Variants in CD1B observed in about 807,000 individuals in gnomAD.
CD1B encodes T-cell surface glycoprotein CD1b.
CD1B carries 43 observed loss-of-function variants against 39.8 expected under a neutral mutation model. That is an observed-to-expected ratio of 1.08 (90% confidence interval 0.85 to 1.39). The LOEUF is 1.39. CD1B is among the 40% of genes most tolerant of loss of function. The pLI, the probability that CD1B is intolerant of heterozygous loss-of-function variation, is 0.00. For synonymous variants in CD1B, 192 were observed against 152.5 expected (o/e 1.26, Z -1.91); for missense variants, 495 against 403.8 (o/e 1.23, Z -1.94).
chr1:158,329,248 G>T, intron 4 of CD1B, 122 bp downstream of exon 4: 1 of 1,295,728 alleles, frequency 7.7e-7, no homozygotes. Context: ...TTGGGGTCAG[G>T]GAAATCAATC....
chr1:158,292,816 C>T, the CD1B span: 8 of 1,614,152 alleles, frequency 5.0e-6, no homozygotes, highest in South Asian at 7.7e-5. Context: ...AGCCTGCTGG[C>T]CTGTCTTGTC....
the CD1B span, among the ~76,000 whole-genome samples, chr1:158,313,371 C>T: frequency 2.0e-5 from 3 of 152,098 alleles, no homozygotes; most frequent in Admixed American, 6.6e-5. Context: ...AGTGCAGTGG[C>T]ACAATCACAT....
downstream of CD1B, among the ~76,000 whole-genome samples, chr1:158,323,970 G>A (rs1652269595): frequency 1.3e-5 from 2 of 152,170 alleles, no homozygotes; most frequent in Non-Finnish European, 2.9e-5. Context: ...TGATTGCCTG[G>A]CTATGAGATA....
chr1:158,303,336 C>A, the CD1B span, among the ~76,000 whole-genome samples: 5 of 152,250 alleles, frequency 3.3e-5, no homozygotes, highest in African/African-American at 1.2e-4. Flanking sequence ...ACTGAATAAA[C>A]AAAAGCTTGA....
chr1:158,302,395 A>G, the CD1B span, among the ~76,000 whole-genome samples: 2 of 151,884 alleles, frequency 1.3e-5, no homozygotes, highest in Admixed American at 6.6e-5. Flanking sequence ...AAAAATAAGG[A>G]AAAAAAACCT....
chr1:158,302,777 T>A, the CD1B span, among the ~76,000 whole-genome samples: 1 of 151,924 alleles, frequency 6.6e-6, no homozygotes, highest in Admixed American at 6.6e-5. Context: ...AGTTCCAGAG[T>A]TGAATCAGTA....
At chr1:158,317,305 G>A in the CD1B span, among the ~76,000 whole-genome samples, 128 of 152,206 alleles carry the variant, frequency 8.4e-4, 1 homozygote, top group Admixed American at 7.8e-3. Flanking sequence ...ACTCTTTTTT[G>A]TTGGTAAGGT....
downstream of CD1B, among the ~76,000 whole-genome samples, chr1:158,327,296 C>T (rs1652390255): frequency 6.6e-6 from 1 of 152,056 alleles, no homozygotes; most frequent in Admixed American, 6.6e-5. Context: ...TATAGGAGTC[C>T]CCACTCAACC....
At chr1:158,318,665 T>G in the CD1B span, among the ~76,000 whole-genome samples, 1 of 152,174 alleles carries the variant, frequency 6.6e-6, no homozygotes, top group African/African-American at 2.4e-5. Flanking sequence ...CCATTTACAT[T>G]TAAAGTTAAT....
chr1:158,323,338 G>T (rs1215260430), downstream of CD1B, among the ~76,000 whole-genome samples: 2 of 151,648 alleles, frequency 1.3e-5, no homozygotes, highest in Non-Finnish European at 2.9e-5. Context: ...ATTTCTGTTA[G>T]ATTTTTCATT....
At chr1:158,287,143 A>G in the CD1B span, among the ~76,000 whole-genome samples, 1 of 152,192 alleles carries the variant, frequency 6.6e-6, no homozygotes, top group Admixed American at 6.6e-5. Flanking sequence ...AACAACAGGA[A>G]GTTATTCTCT....
intron 4 of CD1B, 79 bp downstream of exon 4, chr1:158,329,291 C>T (rs953970097): frequency 6.6e-7 from 1 of 1,517,956 alleles, no homozygotes; most frequent in Non-Finnish European, 9.0e-7. Context: ...CTCTCAAGCT[C>T]TATCCTTCCC....
chr1:158,320,752 G>A, the CD1B span, among the ~76,000 whole-genome samples: 1 of 151,648 alleles, frequency 6.6e-6, no homozygotes. Context: ...TTTTCTTTTT[G>A]ATTTTTTTCA....
At chr1:158,316,211 G>C in the CD1B span, among the ~76,000 whole-genome samples, 2 of 152,034 alleles carry the variant, frequency 1.3e-5, no homozygotes, top group South Asian at 2.1e-4. Context: ...TTGGTAGCTT[G>C]ATGGGGATGG....
At chr1:158,330,268 A>G (rs1052096149) in intron 2 of CD1B, 138 bp from the exon 3 acceptor site, 21 of 768,924 alleles carry the variant, frequency 2.7e-5, no homozygotes, top group Non-Finnish European at 3.6e-5. Flanking sequence ...ACTAATGATA[A>G]CATTTAGACA....
chr1:158,321,877 C>T, the CD1B span, among the ~76,000 whole-genome samples: 3 of 152,066 alleles, frequency 2.0e-5, no homozygotes, highest in Admixed American at 1.3e-4. Context: ...AGGTATTAAC[C>T]CCAGCATCCA....
chr1:158,304,275 G>A, the CD1B span, among the ~76,000 whole-genome samples: 1 of 152,110 alleles, frequency 6.6e-6, no homozygotes, highest in Non-Finnish European at 1.5e-5. Flanking sequence ...CTTAGCAAAG[G>A]GCACACAAGG....
chr1:158,328,101 T>G lies in CD1B; in HGVS notation c.*135A>C, dbSNP rs1256726737. The G allele has an allele frequency of 2.8e-6, 2 of 718,934 alleles. No individual in the cohort carries two copies. Among genetic ancestry groups the G allele is most frequent in the African/African-American group, 1.8e-5 (1 of 55,586 alleles). The allele number at this position is 718,934 out of a possible 1,614,324, so 44.5% of individuals were successfully genotyped here. The stretch of plus-strand genomic sequence containing the variant: ...TTTTTGCTGATGTTTAAATAATAAT[T>G]TATTTTAAAATACATGAAAACTCTG... On this transcript the variant is annotated 3_prime_UTR_variant, in exon 6 of 6. Coordinates refer to ENST00000368168, the MANE Select transcript of CD1B (RefSeq NM_001764.3).
At chr1:158,303,802 T>A in the CD1B span, among the ~76,000 whole-genome samples, 8 of 152,294 alleles carry the variant, frequency 5.3e-5, no homozygotes, top group African/African-American at 1.9e-4. Context: ...TATTTCATGC[T>A]CATGGATTGA....
Sources: gnomAD v4.1 joint callset for allele counts (sites outside exome capture counted in the v4.1 genomes callset) on GRCh38, gnomAD v4.1.1 for gene constraint, MANE v1.5 for transcripts, NCBI Gene and HGNC (gene_info 2026-07-23, HGNC 2026-07-21) for gene names.